The following KCNK1 variants were observed in gnomAD, a reference collection of about 807,000 sequenced individuals.
KCNK1 encodes the protein potassium channel subfamily K member 1.
A neutral mutation model predicts 22.2 loss-of-function variants in KCNK1; 10 were observed. That is an observed-to-expected ratio of 0.45 (90% confidence interval 0.28 to 0.76). The LOEUF (loss-of-function observed/expected upper bound fraction) is 0.76, where lower values mean the gene tolerates loss of function less well. KCNK1 is among the 30% of genes least tolerant of loss of function. The pLI, the probability that KCNK1 is intolerant of heterozygous loss-of-function variation, is 0.14. For missense variants in KCNK1, 378 were observed against 421.0 expected (o/e 0.90, Z 0.89); for synonymous variants, 200 against 186.4 (o/e 1.07, Z -0.60).
At chr1:233,641,881 T>A (rs1014925669) in intron 1 of KCNK1, among the ~76,000 whole-genome samples, 1 of 152,142 alleles carries the variant, frequency 6.6e-6, no homozygotes, top group Non-Finnish European at 1.5e-5. Context: ...GGATTTTGAG[T>A]GTCTGCAGGG....
At chr1:233,643,210 T>C (rs558133752) in intron 1 of KCNK1, among the ~76,000 whole-genome samples, 35 of 152,226 alleles carry the variant, frequency 2.3e-4, no homozygotes, top group Admixed American at 1.2e-3. Context: ...TAGGTGGCTA[T>C]GGCACATCCA....
intron 1 of KCNK1, chr1:233,661,937 G>T (rs2102908104): frequency 6.6e-6 from 1 of 152,314 alleles, no homozygotes; most frequent in East Asian, 1.9e-4. Flanking sequence ...TCACCATACA[G>T]TGAGTTTCTG....
rs980477151 is a variant in KCNK1, at chr1:233,671,559, C to T, written c.*29C>T. ...TAGGATTTGTTGCATTATGCTAGAG[C>T]ACCAGGGTCAGGGTGCAAGGAAGAG... is the stretch of plus-strand genomic sequence containing the variant. On this transcript the variant is annotated 3_prime_UTR_variant, in exon 3 of 3. Transcript: ENST00000366621. The T allele has an allele frequency of 1.9e-6, 3 of 1,612,222 alleles. No homozygotes were observed. The highest frequency in any genetic ancestry group is 2.7e-5 in the African/African-American group (2 of 74,892).
chr1:233,665,255 G>GTATTCTC (rs1344054995), intron 1 of KCNK1, among the ~76,000 whole-genome samples: 2 of 152,210 alleles, frequency 1.3e-5, no homozygotes, highest in Non-Finnish European at 2.9e-5. Flanking sequence ...TATTTTACAA[G>GTATTCTC]AAGTATTCTC....
chr1:233,622,714 T>G (rs1009160249), intron 1 of KCNK1, among the ~76,000 whole-genome samples: 2 of 152,216 alleles, frequency 1.3e-5, no homozygotes, highest in African/African-American at 4.8e-5. Context: ...GATTGTCTCC[T>G]TGAACTTGAG....
intron 1 of KCNK1, among the ~76,000 whole-genome samples, chr1:233,659,323 C>T (rs1353508827): frequency 2.0e-5 from 3 of 151,290 alleles, no homozygotes; most frequent in East Asian, 4.0e-4. Flanking sequence ...GGCAGTAACA[C>T]GCATGGAGCT....
chr1:233,630,387 T>G (rs889017264), intron 1 of KCNK1: 1 of 152,252 alleles, frequency 6.6e-6, no homozygotes, highest in Non-Finnish European at 1.5e-5. Context: ...CAGGCATTCT[T>G]TGCATTTTGT....
At chr1:233,654,809 A>C (rs1026952449) in intron 1 of KCNK1, among the ~76,000 whole-genome samples, 1 of 152,228 alleles carries the variant, frequency 6.6e-6, no homozygotes, top group African/African-American at 2.4e-5. Context: ...GGGTGCGGCC[A>C]AATGACCATC....
intron 1 of KCNK1, among the ~76,000 whole-genome samples, chr1:233,635,515 T>C (rs925512617): frequency 3.3e-5 from 5 of 152,226 alleles, no homozygotes; most frequent in Non-Finnish European, 7.3e-5. Context: ...CACGACTATA[T>C]ATATTTTTTA....
intron 1 of KCNK1, chr1:233,631,380 CTTT>C (rs1657789824): frequency 2.1e-6 from 1 of 467,064 alleles, no homozygotes; most frequent in Non-Finnish European, 4.5e-6. Flanking sequence ...AGGCCTGCTT[CTTT>C]GTGTTTCTCT....
chr1:233,660,009 A>T (rs1658364532), intron 1 of KCNK1, among the ~76,000 whole-genome samples: 1 of 152,246 alleles, frequency 6.6e-6, no homozygotes, highest in South Asian at 2.1e-4. Context: ...GAATGGAGCC[A>T]TCTCCAGGAT....
intron 2 of KCNK1, among the ~76,000 whole-genome samples, chr1:233,670,023 G>A (rs1452543563): frequency 2.6e-5 from 4 of 151,968 alleles, no homozygotes; most frequent in Non-Finnish European, 4.4e-5. Context: ...ATACATTTTC[G>A]AAAATCCTTC....
intron 1 of KCNK1, among the ~76,000 whole-genome samples, chr1:233,660,105 G>C (rs1658366277): frequency 6.6e-6 from 1 of 152,320 alleles, no homozygotes; most frequent in Middle Eastern, 3.4e-3. Context: ...GACATTTGCT[G>C]CATCAGTGTT....
At position 233,614,233 on chromosome 1, in the gene KCNK1, G is replaced by C; in HGVS notation, c.62G>C (p.Trp21Ser). 6.2e-7 allele frequency: 1 copy of C among 1,612,398 alleles called. No individual in the cohort carries two copies. Among genetic ancestry groups the C allele is most frequent in the Non-Finnish European group, 8.5e-7 (1 of 1,179,900 alleles). The part of the protein sequence containing the change: ...VRLVERHRSA[W>S]CFGFLVLGYL... ...CTGGTGGAGCGGCACCGCTCGGCCT[G>C]GTGCTTCGGCTTCCTGGTGCTGGGC... is the stretch of plus-strand genomic sequence containing the variant. Residue 21 changes from tryptophan (W) to serine (S), a missense_variant, in exon 1 of 3, where the codon TGG (tryptophan) becomes TCG (serine). Trp to Ser is a radical substitution (Grantham distance 177). Coordinates refer to ENST00000366621, the MANE Select transcript of KCNK1 (RefSeq NM_002245.4).
At chr1:233,620,881 T>C (rs1003682160) in intron 1 of KCNK1, among the ~76,000 whole-genome samples, 1 of 152,216 alleles carries the variant, frequency 6.6e-6, no homozygotes, top group Non-Finnish European at 1.5e-5. Context: ...TATTGAACCC[T>C]TTATATGTGC....
chr1:233,667,087 A>G (rs1179542372), intron 2 of KCNK1, 97 bp downstream of exon 2: 2 of 1,028,956 alleles, frequency 1.9e-6, no homozygotes, highest in African/African-American at 3.4e-5. Flanking sequence ...TCTGTTGCCC[A>G]GGCTGGAGTG....
At chr1:233,640,593 A>G (rs1196923561) in intron 1 of KCNK1, among the ~76,000 whole-genome samples, 1 of 152,216 alleles carries the variant, frequency 6.6e-6, no homozygotes, top group Non-Finnish European at 1.5e-5. Context: ...TTACATTTGT[A>G]TTTTTAATCT....
chr1:233,648,130 T>A (rs1658129965), intron 1 of KCNK1, among the ~76,000 whole-genome samples: 3 of 152,232 alleles, frequency 2.0e-5, no homozygotes, highest in African/African-American at 7.2e-5. Flanking sequence ...GTAAGTGCCA[T>A]ACCTCTGTAT....
intron 1 of KCNK1, among the ~76,000 whole-genome samples, chr1:233,617,046 CT>C (rs538754784): frequency 6.0e-4 from 88 of 147,420 alleles, no homozygotes; most frequent in African/African-American, 1.3e-3. Flanking sequence ...ACATGTTGTG[CT>C]TTTTTTTTTT....
Sources: gnomAD v4.1 joint callset for allele counts (sites outside exome capture counted in the v4.1 genomes callset) on GRCh38, gnomAD v4.1.1 for gene constraint, MANE v1.5 for transcripts, NCBI Gene and HGNC (gene_info 2026-07-23, HGNC 2026-07-21) for gene names.